SYTL3: variants seen among roughly 807,000 people sequenced by gnomAD.
The protein encoded by SYTL3 is synaptotagmin-like protein 3.
A neutral mutation model predicts 82.1 loss-of-function variants in SYTL3; 88 were observed. That is an observed-to-expected ratio of 1.07 (90% CI 0.90 to 1.28). SYTL3 has a LOEUF of 1.28. SYTL3 is among the 50% of genes most tolerant of loss of function. SYTL3 has a pLI of 0.00. For synonymous variants in SYTL3, 311 were observed against 289.4 expected, an observed-to-expected ratio of 1.07 and a Z score of -0.76; for missense variants, 831 against 757.6, an observed-to-expected ratio of 1.10 and a Z score of -1.14.
At chr6:158,662,202 T>A (rs558547549) in intron 3 of SYTL3, among the ~76,000 whole-genome samples, 5 of 152,156 alleles carry the variant, frequency 3.3e-5, no homozygotes, top group Non-Finnish European at 5.9e-5. Flanking sequence ...TCCCATAGAT[T>A]TAATAACAAA....
At chr6:158,658,131 A>G (rs549844450) in intron 2 of SYTL3, among the ~76,000 whole-genome samples, 1 of 152,260 alleles carries the variant, frequency 6.6e-6, no homozygotes, top group Non-Finnish European at 1.5e-5. Flanking sequence ...TGACCTCGTG[A>G]TCCGCCTGCC....
At chr6:158,729,349 G>A (rs1785116397) in intron 11 of SYTL3, among the ~76,000 whole-genome samples, 1 of 152,102 alleles carries the variant, frequency 6.6e-6, no homozygotes, top group African/African-American at 2.4e-5. Context: ...ATGGTGAAAA[G>A]GATGGAAGGG....
intron 6 of SYTL3, among the ~76,000 whole-genome samples, chr6:158,683,426 G>T (rs1405529385): frequency 6.6e-6 from 1 of 151,844 alleles, no homozygotes. Flanking sequence ...TCACCATGTT[G>T]GCCAGGATGG....
chr6:158,734,959 C>T (rs1160108289), intron 11 of SYTL3, among the ~76,000 whole-genome samples: 1 of 152,216 alleles, frequency 6.6e-6, no homozygotes, highest in Admixed American at 6.5e-5. Flanking sequence ...TTTAAAGCGA[C>T]TTGCTGAGGT....
At position 158,752,021 on chromosome 6, in the gene SYTL3, GACCTTGAAGGT is replaced by G. The variant is rs1329019130; in HGVS notation, c.1131_1137+4del. On this transcript the variant is annotated splice_donor_variant and coding_sequence_variant, in exon 13 of 18. Transcript: ENST00000611299. LOFTEE classifies it high-confidence loss of function. ...ACACCGTGGACCCGACCTTTCAGGAGACCTTGAAGGTACTTGCTGGACAGATATTCCTGTGC... is the reference window on the plus strand; with the variant it reads ...ACACCGTGGACCCGACCTTTCAGGAGACTTGCTGGACAGATATTCCTGTGC... 1.3e-6 allele frequency: 2 copies of G among 1,593,762 alleles called. No individual in the cohort carries two copies.
intron 6 of SYTL3, among the ~76,000 whole-genome samples, chr6:158,693,942 C>T (rs1216472462): frequency 6.8e-6 from 1 of 148,122 alleles, no homozygotes; most frequent in African/African-American, 2.6e-5. Context: ...ATCCACCTGC[C>T]TTGGCCTCCC....
chr6:158,652,153 C>T (rs1788093464), intron 2 of SYTL3, among the ~76,000 whole-genome samples: 2 of 152,086 alleles, frequency 1.3e-5, no homozygotes, highest in African/African-American at 2.4e-5. Context: ...GTCTCAAACT[C>T]CTGACCTCAG....
At chr6:158,668,202 G>A (rs1042437043) in intron 5 of SYTL3, among the ~76,000 whole-genome samples, 4 of 149,292 alleles carry the variant, frequency 2.7e-5, no homozygotes, top group Non-Finnish European at 5.9e-5. Context: ...CCTGCTAGGA[G>A]CCTTGTCCTG....
At chr6:158,683,466 G>A (rs534245358) in intron 6 of SYTL3, among the ~76,000 whole-genome samples, 4 of 152,040 alleles carry the variant, frequency 2.6e-5, no homozygotes, top group Non-Finnish European at 5.9e-5. Context: ...TGATCCGCCC[G>A]CCTCGGCCTC....
intron 11 of SYTL3, among the ~76,000 whole-genome samples, chr6:158,740,719 G>A (rs1786819776): frequency 6.6e-6 from 1 of 152,116 alleles, no homozygotes; most frequent in South Asian, 2.1e-4. Flanking sequence ...TGAAAAACTG[G>A]GATAATTTGA....
upstream of SYTL3, among the ~76,000 whole-genome samples, chr6:158,648,561 C>T (rs1354429210): frequency 1.4e-5 from 2 of 145,028 alleles, no homozygotes; most frequent in East Asian, 2.0e-4. Flanking sequence ...ACTGCAGTCC[C>T]GACTGGGTGA....
chr6:158,684,963 C>A (rs1431981423), intron 6 of SYTL3, among the ~76,000 whole-genome samples: 1 of 152,136 alleles, frequency 6.6e-6, no homozygotes, highest in East Asian at 1.9e-4. Context: ...GCCACCCTCT[C>A]CCCTACCCCA....
intron 5 of SYTL3, among the ~76,000 whole-genome samples, chr6:158,666,762 G>A (rs1207586819): frequency 1.3e-5 from 2 of 152,172 alleles, no homozygotes; most frequent in East Asian, 3.8e-4. Context: ...GCACGCCCTG[G>A]CATTCATTTA....
At chr6:158,693,577 G>A (rs933351960) in intron 6 of SYTL3, among the ~76,000 whole-genome samples, 1 of 152,134 alleles carries the variant, frequency 6.6e-6, no homozygotes, top group Non-Finnish European at 1.5e-5. Context: ...TAGAGATGGG[G>A]TTTCACCATG....
chr6:158,671,047 G>T (rs910804255), intron 5 of SYTL3, among the ~76,000 whole-genome samples: 1 of 151,578 alleles, frequency 6.6e-6, no homozygotes, highest in Non-Finnish European at 1.5e-5. Context: ...CTAGTGTTCC[G>T]CCCGCCTCAG....
In SYTL3 at chr6:158,759,651, C is replaced by T. The variant is rs1391020620; in HGVS notation, c.1309-989C>T. ...GGGTTCAAGTGATTCTCTGCCTCAG[C>T]CTCCCTAGTAGCTGGGATTATAGGC... On this transcript the variant is annotated intron_variant, in intron 14 of 17. Coordinates refer to ENST00000611299, the MANE Select transcript of SYTL3 (RefSeq NM_001242394.2). Among the ~76,000 whole-genome samples the T allele has an allele frequency of 2.0e-5, 3 of 152,296 alleles. 1 individual carries two copies. Among genetic ancestry groups the T allele is most frequent in the South Asian group, 4.1e-4 (2 of 4,832 alleles).
intron 10 of SYTL3, among the ~76,000 whole-genome samples, chr6:158,723,804 C>G (rs1784401088): frequency 6.6e-6 from 1 of 152,228 alleles, no homozygotes; most frequent in Non-Finnish European, 1.5e-5. Flanking sequence ...GATCTTCTGG[C>G]TTTTCCAGCC....
intron 9 of SYTL3, among the ~76,000 whole-genome samples, chr6:158,714,441 A>G (rs544369316): frequency 4.0e-5 from 6 of 151,416 alleles, no homozygotes; most frequent in Non-Finnish European, 8.8e-5. Flanking sequence ...TTATCTATCT[A>G]TTGTCTGCAT....
intron 11 of SYTL3, among the ~76,000 whole-genome samples, chr6:158,734,094 CAAAAAAAAAAAA>C (rs560547617): frequency 2.7e-5 from 2 of 74,544 alleles, no homozygotes; most frequent in East Asian, 4.7e-4. Context: ...GACCCTGTCT[CAAAAAAAAAAAA>C]AAAAAAAAAA....
Sources: allele counts gnomAD v4.1 joint callset (sites outside exome capture counted in the v4.1 genomes callset), GRCh38; gene constraint gnomAD v4.1.1; transcripts MANE v1.5; gene names NCBI Gene and HGNC (gene_info 2026-07-23, HGNC 2026-07-21).